The following BRDT variants were observed in gnomAD, a reference collection of about 807,000 sequenced individuals.
The protein encoded by BRDT is bromodomain testis associated.
A neutral mutation model predicts 113.9 loss-of-function variants in BRDT; 77 were observed. That is an observed-to-expected ratio of 0.68 (90% CI 0.56 to 0.82). BRDT has a LOEUF of 0.82. Among genes scored for constraint, BRDT ranks in the 40% least tolerant of loss-of-function variants. BRDT has a pLI of 0.00. For missense variants in BRDT, 1,027 were observed against 1,105.4 expected (o/e 0.93, Z 1.01); for synonymous variants, 358 against 366.5 (o/e 0.98, Z 0.26).
In BRDT at chr1:91,977,074, C is replaced by T. The variant is rs771728285; in HGVS notation, c.650C>T (p.Thr217Ile). 2.5e-6 allele frequency: 4 copies of T among 1,609,928 alleles called. No individual in the cohort carries two copies. Among genetic ancestry groups the T allele is most frequent in the East Asian group, 4.5e-5 (2 of 44,820 alleles). Residue 217 changes from threonine to isoleucine, a missense_variant, in exon 6 of 19, where the codon ACA becomes ATA. Physicochemically the swap from Thr to Ile is moderately conservative, Grantham distance 89. Coordinates refer to ENST00000399546, the MANE Select transcript of BRDT (RefSeq NM_207189.4). ...AAAGGTGTGAAGAGGAAAGCAGATA[C>T]AACAACTCCTGCAACTTCAGCAGTT... ...VTKGVKRKAD[T>I]TTPATSAVKA...
At chr1:91,966,757 C>T (rs554305107) in intron 3 of BRDT, among the ~76,000 whole-genome samples, 2 of 152,138 alleles carry the variant, frequency 1.3e-5, no homozygotes, top group South Asian at 4.2e-4. Context: ...GACTTGTAAG[C>T]GAATAGTTAA....
chr1:91,955,909 C>A (rs1201538721), intron 1 of BRDT, among the ~76,000 whole-genome samples: 1 of 152,138 alleles, frequency 6.6e-6, no homozygotes, highest in East Asian at 1.9e-4. Context: ...CATGTTCAGG[C>A]CATCTGTGGC....
At chr1:92,013,320 GA>G (rs747683604) in intron 18 of BRDT, among the ~76,000 whole-genome samples, 5 of 151,904 alleles carry the variant, frequency 3.3e-5, no homozygotes, top group Non-Finnish European at 5.9e-5. Context: ...TGGTTTGTAA[GA>G]GTCAGACATA....
chr1:91,951,998 A>G (rs1412950779), intron 1 of BRDT, among the ~76,000 whole-genome samples: 2 of 152,264 alleles, frequency 1.3e-5, no homozygotes, highest in Non-Finnish European at 2.9e-5. Context: ...AGCCTGGGCA[A>G]TATAGTGAGA....
rs755872797 is a variant in BRDT at position 91,981,670 on chromosome 1, G to GAGC, written c.1936_1938dup (p.Ser648dup). ...TTGAAAATGTTTCCCGACTGAGTGAGAGCAGCAGCAGCAGCAGCAGCTCAT... is the reference window on the plus strand; with the variant it reads ...TTGAAAATGTTTCCCGACTGAGTGAGAGCAGCAGCAGCAGCAGCAGCAGCTCAT... On this transcript the variant is annotated inframe_insertion, in exon 12 of 19. Transcript: ENST00000399546. The GAGC allele has an allele frequency of 4.4e-4, 709 of 1,613,652 alleles. 4 individuals are homozygous for GAGC. The African/African-American group carries it at 6.2e-3, about 14-fold the overall frequency.
In BRDT at chr1:91,991,171, T is replaced by C; in HGVS notation, c.2003-13T>C. The C allele has an allele frequency of 6.8e-7, 1 of 1,461,624 alleles. No individual in the cohort carries two copies. Among genetic ancestry groups the C allele is most frequent in the Non-Finnish European group, 9.4e-7 (1 of 1,062,094 alleles). The allele number at this position is 1,461,624 out of a possible 1,614,324, so 90.5% of individuals were successfully genotyped here. A position where few individuals can be genotyped will look rare whatever the true frequency, so the allele number is the denominator to read the frequency against. The stretch of plus-strand genomic sequence containing the variant: ...TAATAAATATTAAAATATTTATGTG[T>C]ATACATTTGCAGAAATGTTCCCTAA... On this transcript the variant is annotated splice_polypyrimidine_tract_variant and intron_variant, in intron 12 of 18. Coordinates refer to ENST00000399546, the MANE Select transcript of BRDT (RefSeq NM_207189.4).
At chr1:91,993,877 G>A (rs920862816) in intron 14 of BRDT, among the ~76,000 whole-genome samples, 8 of 152,080 alleles carry the variant, frequency 5.3e-5, no homozygotes, top group African/African-American at 1.7e-4. Flanking sequence ...GCCATATAAT[G>A]GCCAAGTTAT....
intron 17 of BRDT, 86 bp from the exon 18 acceptor site, chr1:92,005,033 G>A: frequency 2.9e-6 from 3 of 1,048,628 alleles, no homozygotes; most frequent in Non-Finnish European, 3.9e-6. Context: ...CTTAATATAT[G>A]GCTTTATATT....
At chr1:91,983,185 G>T (rs1460470324) in intron 12 of BRDT, among the ~76,000 whole-genome samples, 3 of 151,300 alleles carry the variant, frequency 2.0e-5, no homozygotes, top group African/African-American at 7.3e-5. Flanking sequence ...TCACTAACTT[G>T]TGTTCTTAAA....
chr1:91,969,130 C>T (rs1041963103), intron 4 of BRDT, among the ~76,000 whole-genome samples: 23 of 151,700 alleles, frequency 1.5e-4, no homozygotes, highest in African/African-American at 4.6e-4. Flanking sequence ...TTAGTAGAGT[C>T]GGGGTTTCAC....
At chr1:91,979,008 A>C (rs546506251) in intron 7 of BRDT, among the ~76,000 whole-genome samples, 47 of 128,450 alleles carry the variant, frequency 3.7e-4, no homozygotes, top group African/African-American at 1.4e-3. Context: ...AAAAAAAAAA[A>C]AAAAACAACA....
At chr1:91,985,166 CCG>C (rs1240968843) in intron 12 of BRDT, among the ~76,000 whole-genome samples, 1 of 152,146 alleles carries the variant, frequency 6.6e-6, no homozygotes, top group Non-Finnish European at 1.5e-5. Context: ...ACTGCAACCT[CCG>C]ACTCCCGGGT....
intron 1 of BRDT, 134 bp downstream of exon 1, chr1:91,949,816 T>G (rs1472806576): frequency 6.6e-6 from 1 of 152,152 alleles, no homozygotes; most frequent in Non-Finnish European, 1.5e-5. Context: ...AGGAGGAGGT[T>G]GGGGCGAGGG....
intron 1 of BRDT, among the ~76,000 whole-genome samples, chr1:91,959,503 CAG>C (rs1314256353): frequency 1.3e-5 from 2 of 149,936 alleles, no homozygotes; most frequent in Non-Finnish European, 3.0e-5. Context: ...TTTTTTGAGA[CAG>C]GGTCTTGCTG....
At chr1:91,976,766 G>A (rs1169132070) in intron 5 of BRDT, among the ~76,000 whole-genome samples, 1 of 151,808 alleles carries the variant, frequency 6.6e-6, no homozygotes, top group Non-Finnish European at 1.5e-5. Flanking sequence ...ACTTTTTTTG[G>A]TATATGACTT....
intron 12 of BRDT, among the ~76,000 whole-genome samples, chr1:91,985,800 G>A (rs1221773824): frequency 6.6e-6 from 1 of 151,718 alleles, no homozygotes; most frequent in Non-Finnish European, 1.5e-5. Context: ...CACCACGCCC[G>A]GCTAATTTTT....
intron 5 of BRDT, 23 bp from the exon 6 acceptor site, chr1:91,977,019 TG>T: frequency 1.3e-6 from 2 of 1,506,754 alleles, no homozygotes; most frequent in South Asian, 2.6e-5. Context: ...AATATATTTT[TG>T]TTGTTGAATT....
Position 91,958,318 on chromosome 1 carries a change from C to T in BRDT, c.-37-4400C>T, listed in dbSNP as rs61779128. On this transcript the variant is annotated intron_variant, in intron 1 of 18. Coordinates refer to ENST00000399546, the MANE Select transcript of BRDT (RefSeq NM_207189.4). ...GCAACCTTTGTCTCCAGGGTTCAAG[C>T]GATTCTCATGCCTCGGCCTCCTGAG... 3.3e-3 allele frequency among the ~76,000 whole-genome samples: 484 copies of T among 148,088 alleles called. 2 individuals are homozygous for T. The highest frequency in any genetic ancestry group is 6.3e-3 in the Admixed American group (91 of 14,396).
In BRDT at chr1:91,981,638, A is replaced by G; in HGVS notation, c.1885A>G (p.Lys629Glu). ...TGTAGCTGATAAAACGCAACCATCC[A>G]AAGCTGTTGAAAATGTTTCCCGACT... ...QTKSDKTQPS[K>E]AVENVSRLSE... Residue 629 changes from lysine (K) to glutamate (E), a missense_variant, in exon 12 of 19, where the codon AAA becomes GAA. Coordinates refer to ENST00000399546, the MANE Select transcript of BRDT (RefSeq NM_207189.4). 6.2e-7 allele frequency: 1 copy of G among 1,614,118 alleles called. No individual in the cohort carries two copies. Among genetic ancestry groups the G allele is most frequent in the Non-Finnish European group, 8.5e-7 (1 of 1,180,004 alleles).
Sources: gnomAD v4.1 joint callset for allele counts (sites outside exome capture counted in the v4.1 genomes callset) on GRCh38, gnomAD v4.1.1 for gene constraint, MANE v1.5 for transcripts, NCBI Gene and HGNC (gene_info 2026-07-23, HGNC 2026-07-21) for gene names.